ANK1: variants seen among roughly 807,000 people sequenced by gnomAD.
ANK1 encodes the protein ankyrin-1.
In ANK1, 51 loss-of-function variants were observed where a neutral mutation model predicts 210.4. That is an observed-to-expected ratio of 0.24 (90% confidence interval 0.19 to 0.31). The LOEUF is 0.31. Ranked by LOEUF, ANK1 falls within the 10% of genes least tolerant of loss-of-function variation. The pLI is 1.00. For synonymous variants in ANK1, 967 were observed against 1,025.9 expected, an observed-to-expected ratio of 0.94 and a Z score of 1.10; for missense variants, 2,051 against 2,504.4, an observed-to-expected ratio of 0.82 and a Z score of 3.86.
At chr8:41,750,951 C>T (rs1208767636) in intron 2 of ANK1, among the ~76,000 whole-genome samples, 2 of 152,158 alleles carry the variant, frequency 1.3e-5, no homozygotes, top group African/African-American at 4.8e-5. Flanking sequence ...CGGAATAGAA[C>T]AGAAAACTAA....
intron 1 of ANK1, among the ~76,000 whole-genome samples, chr8:41,815,213 A>C (rs1407968452): frequency 1.3e-5 from 2 of 152,196 alleles, no homozygotes; most frequent in Non-Finnish European, 2.9e-5. Context: ...AGTTTTCTTA[A>C]GTAATCAAAG....
chr8:41,694,657 C>A lies in ANK1; in HGVS notation c.3262G>T (p.Val1088Leu), dbSNP rs756842596. Reference sequence around the variant, plus strand: ...GGGAACGTTGCCTGTACCAGGGGCACCAGCTTGCTCTTCAGGGAGCCCCCT... The same window carrying A: ...GGGAACGTTGCCTGTACCAGGGGCAACAGCTTGCTCTTCAGGGAGCCCCCT... ...PEGGSLKSKL[V>L]PLVQATFPEN... Residue 1088 changes from valine (V) to leucine (L), a missense_variant, in exon 28 of 43, where the codon GTG becomes TTG. By Grantham distance (32) the Val-to-Leu change is conservative. This residue lies in a region of ANK1 where 1,413 missense variants were observed against 1,707.4 expected (regional missense o/e 0.83). Transcript: ENST00000289734. The surrounding 1 kb of genome is among the most constrained non-coding windows in gnomAD (Gnocchi z 5.7). 4 of 1,614,010 alleles carry A rather than the reference C, an allele frequency of 2.5e-6. No homozygotes were observed. Among genetic ancestry groups the A allele is most frequent in the Non-Finnish European group, 3.4e-6 (4 of 1,180,026 alleles).
At chr8:41,828,632 C>T (rs1015366799) in intron 1 of ANK1, 1 of 154,222 alleles carries the variant, frequency 6.5e-6, no homozygotes. Context: ...CACTAAAAGG[C>T]TCCTGAGTGC....
In ANK1 at chr8:41,736,665, T is replaced by C. The variant is rs148557584; in HGVS notation, c.130-2596A>G. Reference sequence around the variant, plus strand: ...AGTCGCTCTGATGAGCATCTGTGGGTCCTGAATGCATCAAAGCCACAAAAC... The same window carrying C: ...AGTCGCTCTGATGAGCATCTGTGGGCCCTGAATGCATCAAAGCCACAAAAC... On this transcript the variant is annotated intron_variant, in intron 2 of 42. Transcript: ENST00000289734. Among the ~76,000 whole-genome samples the C allele has an allele frequency of 5.7e-4, 87 of 152,198 alleles. No homozygotes were observed. In the East Asian group the frequency reaches 0.014, roughly 25 times the overall value.
At chr8:41,683,412 G>C (rs905811069) in intron 37 of ANK1, among the ~76,000 whole-genome samples, 1 of 152,150 alleles carries the variant, frequency 6.6e-6, no homozygotes, top group Non-Finnish European at 1.5e-5. Context: ...CAGCGAGCAG[G>C]GTCCCCTGGT....
intron 1 of ANK1, among the ~76,000 whole-genome samples, chr8:41,791,978 C>T (rs1031637668): frequency 5.3e-4 from 80 of 152,132 alleles, no homozygotes; most frequent in African/African-American, 1.9e-3. Flanking sequence ...AAGTTTTCTG[C>T]ACAGGCAACA....
intron 1 of ANK1, among the ~76,000 whole-genome samples, chr8:41,762,199 T>G (rs1024671875): frequency 6.6e-6 from 1 of 152,198 alleles, no homozygotes; most frequent in African/African-American, 2.4e-5. Context: ...CCTCCTAGCC[T>G]GCACCTTCCT....
chr8:41,748,313 G>A (rs940706364), intron 2 of ANK1, among the ~76,000 whole-genome samples: 7 of 152,238 alleles, frequency 4.6e-5, no homozygotes, highest in Middle Eastern at 3.4e-3. Flanking sequence ...GTGTGTTTTC[G>A]GGGTGCAGCT....
intron 23 of ANK1, among the ~76,000 whole-genome samples, chr8:41,698,501 G>A (rs1821746062): frequency 6.6e-6 from 1 of 151,612 alleles, no homozygotes; most frequent in Non-Finnish European, 1.5e-5. Context: ...GGAGTAAATG[G>A]CCCAGTGGTT....
chr8:41,751,659 T>C (rs1254763956), intron 2 of ANK1, among the ~76,000 whole-genome samples: 1 of 152,072 alleles, frequency 6.6e-6, no homozygotes, highest in Non-Finnish European at 1.5e-5. Context: ...CAGCAAGTCC[T>C]CTGGCCTCCC....
chr8:41,867,239 G>A (rs955340333), intron 1 of ANK1, among the ~76,000 whole-genome samples: 3 of 152,230 alleles, frequency 2.0e-5, no homozygotes, highest in African/African-American at 4.8e-5. Flanking sequence ...TGATGATGCC[G>A]CTTTTCCTCT....
chr8:41,844,487 C>T (rs1224473463), intron 1 of ANK1, among the ~76,000 whole-genome samples: 1 of 152,124 alleles, frequency 6.6e-6, no homozygotes, highest in African/African-American at 2.4e-5. Flanking sequence ...GGCACACACC[C>T]CTCCCCGCAA....
intron 39 of ANK1, chr8:41,664,351 T>C: frequency 2.7e-6 from 1 of 366,068 alleles, no homozygotes; most frequent in South Asian, 2.1e-5. Context: ...TGTGTGCCTG[T>C]AGTACCAGCT....
chr8:41,734,883 C>T (rs573949115), intron 2 of ANK1, among the ~76,000 whole-genome samples: 1 of 151,994 alleles, frequency 6.6e-6, no homozygotes, highest in South Asian at 2.1e-4. Flanking sequence ...AGGGCCAGAC[C>T]CTGTCTCAAA....
chr8:41,697,556 G>C (rs1821412521), intron 24 of ANK1, among the ~76,000 whole-genome samples: 1 of 152,070 alleles, frequency 6.6e-6, no homozygotes, highest in African/African-American at 2.4e-5. Flanking sequence ...ACACAGTGGA[G>C]CACTCCCCCG....
chr8:41,688,831 C>T (rs1818425012), intron 33 of ANK1, among the ~76,000 whole-genome samples: 1 of 152,158 alleles, frequency 6.6e-6, no homozygotes, highest in African/African-American at 2.4e-5. Flanking sequence ...CCACGTCACC[C>T]CATCACCTGT....
At chr8:41,850,814 G>C (rs1198770540) in intron 1 of ANK1, among the ~76,000 whole-genome samples, 1 of 152,216 alleles carries the variant, frequency 6.6e-6, no homozygotes, top group Non-Finnish European at 1.5e-5. Context: ...AAAAACAAAT[G>C]AATGAGAAGC....
At chr8:41,883,067 G>C (rs1380922388) in intron 1 of ANK1, among the ~76,000 whole-genome samples, 2 of 152,192 alleles carry the variant, frequency 1.3e-5, no homozygotes, top group Non-Finnish European at 2.9e-5. Flanking sequence ...GATTACACAG[G>C]CTCAGCGAGA....
intron 1 of ANK1, among the ~76,000 whole-genome samples, chr8:41,820,147 A>G (rs936276456): frequency 6.7e-6 from 1 of 149,636 alleles, no homozygotes; most frequent in South Asian, 2.1e-4. Context: ...CACGTTTTCT[A>G]ATTTAAATTT....
Sources: gnomAD v4.1 joint callset for allele counts (sites outside exome capture counted in the v4.1 genomes callset) on GRCh38, gnomAD v4.1.1 for gene constraint, gnomAD v4.1.1 regional missense constraint, Gnocchi (gnomAD v3.1) non-coding constraint, MANE v1.5 for transcripts, NCBI Gene and HGNC (gene_info 2026-07-23, HGNC 2026-07-21) for gene names.